CCDC73: variants seen among roughly 807,000 people sequenced by gnomAD.
The protein encoded by CCDC73 is coiled-coil domain-containing protein 73.
CCDC73 carries 95 observed loss-of-function variants against 116.5 expected under a neutral mutation model. That is an observed-to-expected ratio of 0.82 (90% CI 0.69 to 0.97). The LOEUF is 0.97. CCDC73 is among the 50% of genes least tolerant of loss of function. The pLI is 0.00. For synonymous variants in CCDC73, 398 were observed against 401.3 expected (o/e 0.99, Z 0.10); for missense variants, 1,066 against 1,206.8 (o/e 0.88, Z 1.73).
chr11:32,684,191 A>G (rs1364990034), intron 6 of CCDC73, among the ~76,000 whole-genome samples: 3 of 152,034 alleles, frequency 2.0e-5, no homozygotes, highest in Non-Finnish European at 4.4e-5. Flanking sequence ...GCTGGGTACT[A>G]TAGGAACATG....
At chr11:32,769,458 C>G (rs998305608) in intron 1 of CCDC73, among the ~76,000 whole-genome samples, 34 of 152,132 alleles carry the variant, frequency 2.2e-4, no homozygotes, top group African/African-American at 7.7e-4. Flanking sequence ...AGTGGCTGGA[C>G]TGGGTTCCAA....
chr11:32,614,207 A>G lies in CCDC73; in HGVS notation c.2111T>C (p.Ile704Thr), dbSNP rs745717771. Residue 704 changes from isoleucine to threonine, a missense_variant, in exon 16 of 18, where the codon ATA becomes ACA. Physicochemically the swap from Ile to Thr is moderately conservative, Grantham distance 89. Coordinates refer to ENST00000335185, the MANE Select transcript of CCDC73 (RefSeq NM_001008391.4). ...EKSELTVPCD[I>T]VIDHHVSYAA... ...ATATGAAACATGGTGGTCGATTACT[A>G]TATCACAGGGAACAGTTAGTTCAGA... The G allele has an allele frequency of 6.8e-6, 11 of 1,613,766 alleles. No individual in the cohort carries two copies. Among genetic ancestry groups the G allele is most frequent in the Admixed American group, 1.7e-5 (1 of 59,998 alleles).
chr11:32,666,306 A>G (rs2079297700), intron 9 of CCDC73, among the ~76,000 whole-genome samples: 1 of 152,178 alleles, frequency 6.6e-6, no homozygotes, highest in Non-Finnish European at 1.5e-5. Flanking sequence ...CCAACCAGGC[A>G]TAGATTTGGT....
chr11:32,829,329 C>T, the CCDC73 span, among the ~76,000 whole-genome samples: 1 of 152,146 alleles, frequency 6.6e-6, no homozygotes, highest in Non-Finnish European at 1.5e-5. Flanking sequence ...TTCCACTGTA[C>T]ACTCTTGAGA....
At chr11:32,687,006 T>C (rs889032543) in intron 6 of CCDC73, among the ~76,000 whole-genome samples, 1 of 152,230 alleles carries the variant, frequency 6.6e-6, no homozygotes, top group Non-Finnish European at 1.5e-5. Flanking sequence ...CTTCACTTTA[T>C]GGAAAATTAT....
At chr11:32,674,405 C>G (rs949190186) in intron 9 of CCDC73, among the ~76,000 whole-genome samples, 1 of 152,134 alleles carries the variant, frequency 6.6e-6, no homozygotes, top group Non-Finnish European at 1.5e-5. Flanking sequence ...ACTTCTTCCT[C>G]TTGTACCAAC....
At chr11:32,734,278 A>T (rs1354195192) in intron 2 of CCDC73, among the ~76,000 whole-genome samples, 2 of 152,176 alleles carry the variant, frequency 1.3e-5, no homozygotes, top group African/African-American at 2.4e-5. Flanking sequence ...GGTAATAATT[A>T]ACAGCTCACC....
chr11:32,704,443 C>T (rs1446876898), intron 3 of CCDC73, among the ~76,000 whole-genome samples: 1 of 152,200 alleles, frequency 6.6e-6, no homozygotes, highest in Non-Finnish European at 1.5e-5. Flanking sequence ...TGCCTTGGCC[C>T]CCTCTGGAAG....
At chr11:32,734,071 A>G (rs1284925679) in intron 2 of CCDC73, among the ~76,000 whole-genome samples, 7 of 152,248 alleles carry the variant, frequency 4.6e-5, no homozygotes, top group African/African-American at 7.2e-5. Flanking sequence ...TAGTCGCAAT[A>G]AAACATGATA....
chr11:32,678,744 A>G (rs960488571), intron 7 of CCDC73, among the ~76,000 whole-genome samples: 1 of 151,868 alleles, frequency 6.6e-6, no homozygotes, highest in Non-Finnish European at 1.5e-5. Context: ...TTAGCCAGGC[A>G]TGGTGGCACA....
chr11:32,741,289 T>C (rs1850181483), intron 2 of CCDC73, among the ~76,000 whole-genome samples: 1 of 152,142 alleles, frequency 6.6e-6, no homozygotes, highest in Non-Finnish European at 1.5e-5. Context: ...CCAACTATTA[T>C]TGTATGAAAG....
intron 1 of CCDC73, among the ~76,000 whole-genome samples, chr11:32,766,282 A>G (rs113462163): frequency 0.048 from 7,284 of 152,332 alleles, 194 homozygotes; most frequent in African/African-American, 0.064. Context: ...AACTCTCAAT[A>G]AATTCGGTAT....
intron 2 of CCDC73, among the ~76,000 whole-genome samples, chr11:32,720,001 G>A (rs111892894): frequency 0.012 from 1,820 of 152,162 alleles, 36 homozygotes; most frequent in African/African-American, 0.042. Context: ...CTTTTACACA[G>A]TCTCTTCCAG....
chr11:32,797,052 T>TAAAGGACTTAACC (rs1480438712), upstream of CCDC73, among the ~76,000 whole-genome samples: 1 of 147,630 alleles, frequency 6.8e-6, no homozygotes, highest in Non-Finnish European at 1.5e-5. Flanking sequence ...CTTAAAAAGT[T>TAAAGGACTTAACC]AAAGGACTTA....
In CCDC73 at chr11:32,622,079, C is replaced by G. The variant is rs757702593; in HGVS notation, c.1186-5950G>C. ...TTGTTGGTGGGAATGTAAATTAGTT[C>G]AACCATTGTGGAAGACAGTGTGGTG... On this transcript the variant is annotated intron_variant, in intron 14 of 17. Transcript: ENST00000335185. 3.3e-4 allele frequency among the ~76,000 whole-genome samples: 50 copies of G among 152,146 alleles called. 1 individual carries two copies. Among genetic ancestry groups the G allele is most frequent in the Non-Finnish European group, 1.0e-4 (7 of 68,042 alleles).
Position 32,697,288 on chromosome 11 carries a change from T to C in CCDC73, c.390+1963A>G, listed in dbSNP as rs547314339. Among the ~76,000 whole-genome samples, 62 of 150,936 alleles carry C rather than the reference T, an allele frequency of 4.1e-4. 1 individual carries two copies. In the South Asian group the frequency reaches 9.5e-3, roughly 23 times the overall value. On this transcript the variant is annotated intron_variant, in intron 6 of 17. Coordinates refer to ENST00000335185, the MANE Select transcript of CCDC73 (RefSeq NM_001008391.4). ...ACATTTTCTAAGAATAAGAACTTTC[T>C]TTTATATGATCATAATATTATACCT...
At chr11:32,606,076 A>C (rs1855347686) in intron 17 of CCDC73, 1 of 152,162 alleles carries the variant, frequency 6.6e-6, no homozygotes, top group African/African-American at 2.4e-5. Context: ...TCCTGGATAT[A>C]ATCAAGATTG....
intron 2 of CCDC73, among the ~76,000 whole-genome samples, chr11:32,735,542 C>T (rs1380239446): frequency 2.0e-5 from 3 of 152,128 alleles, no homozygotes; most frequent in African/African-American, 7.2e-5. Context: ...ATTCCATGCT[C>T]ATGGATAGGA....
chr11:32,761,998 G>A (rs923602973), intron 1 of CCDC73, among the ~76,000 whole-genome samples: 1 of 152,126 alleles, frequency 6.6e-6, no homozygotes, highest in Non-Finnish European at 1.5e-5. Flanking sequence ...CCACATTATG[G>A]AGAGTAATTT....
Sources: gnomAD v4.1 joint callset for allele counts (sites outside exome capture counted in the v4.1 genomes callset) on GRCh38, gnomAD v4.1.1 for gene constraint, MANE v1.5 for transcripts, NCBI Gene and HGNC (gene_info 2026-07-23, HGNC 2026-07-21) for gene names.